The following ELAPOR2 variants were observed in gnomAD, a reference collection of about 807,000 sequenced individuals.
The protein encoded by ELAPOR2 is endosome/lysosome-associated apoptosis and autophagy regulator family member 2.
In ELAPOR2, 89 loss-of-function variants were observed where a neutral mutation model predicts 120.7. The ratio of observed to expected loss-of-function variants is 0.74; its 90% CI spans 0.62 to 0.88. The LOEUF (loss-of-function observed/expected upper bound fraction) is 0.88, where lower values mean the gene tolerates loss of function less well. Ranked by LOEUF, ELAPOR2 falls within the 40% of genes least tolerant of loss-of-function variation. The pLI is 0.00. For missense variants in ELAPOR2, 1,134 were observed against 1,251.6 expected, an observed-to-expected ratio of 0.91 and a Z score of 1.42; for synonymous variants, 444 against 444.9, an observed-to-expected ratio of 1.00 and a Z score of 0.03.
chr7:86,940,396 G>T (rs1790753201), intron 5 of ELAPOR2, among the ~76,000 whole-genome samples: 1 of 151,970 alleles, frequency 6.6e-6, no homozygotes, highest in Non-Finnish European at 1.5e-5. Flanking sequence ...CCATCTGCAT[G>T]AAGTCTTAGT....
intron 2 of ELAPOR2, among the ~76,000 whole-genome samples, chr7:86,952,449 A>T (rs369475286): frequency 6.6e-6 from 1 of 152,222 alleles, no homozygotes. Context: ...AGTTCAAAAA[A>T]TTATTACAAC....
chr7:86,918,213 CACTT>C (rs1428479347), intron 12 of ELAPOR2, among the ~76,000 whole-genome samples: 5 of 150,690 alleles, frequency 3.3e-5, no homozygotes, highest in Non-Finnish European at 7.4e-5. Context: ...CAAGCTCCCT[CACTT>C]AGTCTTTCCC....
At chr7:87,008,027 A>G (rs1047904773) in intron 1 of ELAPOR2, among the ~76,000 whole-genome samples, 81 of 152,294 alleles carry the variant, frequency 5.3e-4, no homozygotes, top group African/African-American at 1.8e-3. Context: ...GTCTTACTAT[A>G]TCACCCCACA....
chr7:87,056,013 T>C (rs1012479069), intron 1 of ELAPOR2, among the ~76,000 whole-genome samples: 2 of 152,230 alleles, frequency 1.3e-5, no homozygotes, highest in Admixed American at 1.3e-4. Context: ...TACTCTCATG[T>C]ACTTTTCTAT....
intron 1 of ELAPOR2, among the ~76,000 whole-genome samples, chr7:86,975,496 C>A (rs1792253466): frequency 6.6e-6 from 1 of 152,130 alleles, no homozygotes; most frequent in African/African-American, 2.4e-5. Context: ...CTAAAATTAA[C>A]CTTAAAACAT....
At chr7:87,056,152 A>G (rs1795254982) in intron 1 of ELAPOR2, among the ~76,000 whole-genome samples, 1 of 152,212 alleles carries the variant, frequency 6.6e-6, no homozygotes, top group Admixed American at 6.5e-5. Flanking sequence ...GGCCTATCCT[A>G]GGAACCTCTG....
intron 1 of ELAPOR2, among the ~76,000 whole-genome samples, chr7:86,975,943 G>A (rs1023601598): frequency 1.3e-5 from 2 of 152,142 alleles, no homozygotes; most frequent in African/African-American, 4.8e-5. Flanking sequence ...AACTACAAGA[G>A]AAGCCCATTT....
intron 11 of ELAPOR2, 70 bp downstream of exon 11, chr7:86,919,150 A>T: frequency 9.3e-7 from 1 of 1,069,814 alleles, no homozygotes; most frequent in Non-Finnish European, 1.4e-6. Context: ...AAGTAGCCCT[A>T]CTTCTTTATT....
At chr7:86,987,177 C>T (rs1312307902) in intron 1 of ELAPOR2, among the ~76,000 whole-genome samples, 1 of 152,132 alleles carries the variant, frequency 6.6e-6, no homozygotes, top group East Asian at 1.9e-4. Flanking sequence ...CTTCCTTACA[C>T]CTTATACAAA....
At chr7:87,052,902 T>A (rs1171419211) in intron 1 of ELAPOR2, among the ~76,000 whole-genome samples, 1 of 152,156 alleles carries the variant, frequency 6.6e-6, no homozygotes, top group African/African-American at 2.4e-5. Flanking sequence ...GTTCAATCAA[T>A]TCTCCCACCT....
At chr7:87,038,876 T>A (rs1267122309) in intron 1 of ELAPOR2, among the ~76,000 whole-genome samples, 1 of 151,708 alleles carries the variant, frequency 6.6e-6, no homozygotes, top group Non-Finnish European at 1.5e-5. Context: ...TGTATCTTAA[T>A]GAACCAGAAA....
chr7:86,914,685 T>G, intron 13 of ELAPOR2, 38 bp downstream of exon 13: 1 of 1,567,904 alleles, frequency 6.4e-7, no homozygotes, highest in Non-Finnish European at 8.6e-7. Context: ...GCATCATTAG[T>G]GTGTTTAAAA....
chr7:86,988,205 G>T (rs561142707), intron 1 of ELAPOR2, among the ~76,000 whole-genome samples: 1 of 152,250 alleles, frequency 6.6e-6, no homozygotes, highest in Admixed American at 6.5e-5. Context: ...CGTGGGGTCA[G>T]GTGTGGGGGG....
At chr7:86,981,834 G>A (rs572070412) in intron 1 of ELAPOR2, among the ~76,000 whole-genome samples, 1 of 152,346 alleles carries the variant, frequency 6.6e-6, no homozygotes, top group Admixed American at 6.5e-5. Context: ...CCCACTGAGG[G>A]TGAGCCAAAA....
intron 2 of ELAPOR2, among the ~76,000 whole-genome samples, chr7:86,949,062 A>C (rs1259985637): frequency 2.0e-5 from 3 of 152,202 alleles, no homozygotes; most frequent in African/African-American, 7.2e-5. Flanking sequence ...ATCCACACAC[A>C]TCTACTTATT....
intron 19 of ELAPOR2, among the ~76,000 whole-genome samples, chr7:86,894,825 C>T (rs139346185): frequency 0.019 from 2,874 of 152,126 alleles, 41 homozygotes; most frequent in Non-Finnish European, 0.032. Context: ...TTAGTGATAA[C>T]ACAGTATCTC....
At chr7:87,000,320 T>A (rs1418834000) in intron 1 of ELAPOR2, among the ~76,000 whole-genome samples, 1 of 152,068 alleles carries the variant, frequency 6.6e-6, no homozygotes, top group Non-Finnish European at 1.5e-5. Context: ...AACCATAGAC[T>A]GAGACCAAGC....
At chr7:87,016,675 A>G (rs1793876956) in intron 1 of ELAPOR2, among the ~76,000 whole-genome samples, 1 of 148,768 alleles carries the variant, frequency 6.7e-6, no homozygotes, top group Non-Finnish European at 1.5e-5. Flanking sequence ...TTATATATAT[A>G]TATAATATAT....
rs749911777 is a variant in ELAPOR2 at position 86,877,594 on chromosome 7, C to T, written c.*2877G>A. 6.6e-6 allele frequency: 1 copy of T among 152,032 alleles called. No individual in the cohort carries two copies. The highest frequency in any genetic ancestry group is 1.5e-5 in the Non-Finnish European group (1 of 67,996). The allele number at this position is 152,032 out of a possible 1,614,324, so 9.4% of individuals were successfully genotyped here. On this transcript the variant is annotated 3_prime_UTR_variant, in exon 22 of 22. Transcript: ENST00000450689. ...AAGAGAGAAATTATGTACACATTAG[C>T]CTCCCATTAGAAATAACCATGTGCC...
Sources: gnomAD v4.1 joint callset for allele counts (sites outside exome capture counted in the v4.1 genomes callset) on GRCh38, gnomAD v4.1.1 for gene constraint, MANE v1.5 for transcripts, NCBI Gene and HGNC (gene_info 2026-07-23, HGNC 2026-07-21) for gene names.